EDA: variants seen among roughly 807,000 people sequenced by gnomAD.
EDA encodes ectodysplasin-A.
EDA carries 2 observed loss-of-function variants against 23.6 expected under a neutral mutation model. The ratio of observed to expected loss-of-function variants is 0.08; its 90% CI spans 0.03 to 0.27. The LOEUF is 0.27. EDA is among the 10% of genes least tolerant of loss of function. EDA has a pLI of 1.00. For missense variants in EDA, 229 were observed against 324.2 expected, an observed-to-expected ratio of 0.71 and a Z score of 2.26; for synonymous variants, 131 against 132.0, an observed-to-expected ratio of 0.99 and a Z score of 0.05.
At chrX:69,930,623 T>G (rs2018585368) in intron 1 of EDA, among the ~76,000 whole-genome samples, 1 of 111,462 alleles carries the variant, frequency 9.0e-6, no homozygotes, top group African/African-American at 3.3e-5. Flanking sequence ...GGAACAAGAT[T>G]AAGATGTCTG....
At chrX:69,720,825 A>G (rs1268647171) in intron 1 of EDA, among the ~76,000 whole-genome samples, 1 of 112,566 alleles carries the variant, frequency 8.9e-6, no homozygotes, top group Non-Finnish European at 1.9e-5. Flanking sequence ...ATGTTGTTAA[A>G]TAATTCTAAC....
At chrX:69,742,174 G>A (rs899454448) in intron 1 of EDA, among the ~76,000 whole-genome samples, 30 of 111,682 alleles carry the variant, frequency 2.7e-4, no homozygotes, top group Admixed American at 5.7e-4. Flanking sequence ...CCATGCCTTG[G>A]GTGGAACTTC....
At chrX:69,951,762 T>C (rs761797412) in intron 1 of EDA, among the ~76,000 whole-genome samples, 9 of 112,255 alleles carry the variant, frequency 8.0e-5, no homozygotes, top group Non-Finnish European at 1.3e-4. Context: ...TGTCTCACTA[T>C]GAACGAACTG....
intron 2 of EDA, among the ~76,000 whole-genome samples, chrX:69,970,048 G>A (rs1312634953): frequency 9.0e-6 from 1 of 111,722 alleles, no homozygotes; most frequent in Non-Finnish European, 1.9e-5. Context: ...TGAGGCTGCA[G>A]TGAGCTATGA....
At chrX:69,703,680 C>T (rs535705904) in intron 1 of EDA, among the ~76,000 whole-genome samples, 1 of 111,453 alleles carries the variant, frequency 9.0e-6, no homozygotes, top group African/African-American at 3.3e-5. Flanking sequence ...GGTCTTCAGG[C>T]GGTACGTGTC....
At chrX:69,650,824 G>A (rs1022321382) in intron 1 of EDA, among the ~76,000 whole-genome samples, 1 of 111,378 alleles carries the variant, frequency 9.0e-6, no homozygotes, top group African/African-American at 3.3e-5. Flanking sequence ...TTGCTGAGTA[G>A]GTAGCATTGT....
chrX:69,857,368 A>G (rs1054498267), intron 1 of EDA, among the ~76,000 whole-genome samples: 1 of 111,656 alleles, frequency 9.0e-6, no homozygotes, highest in Non-Finnish European at 1.9e-5. Context: ...TTGGTTCCAT[A>G]TGAATTTTAG....
intron 1 of EDA, among the ~76,000 whole-genome samples, chrX:69,753,702 G>T (rs1173072384): frequency 1.8e-5 from 2 of 111,185 alleles, no homozygotes; most frequent in African/African-American, 3.3e-5. Context: ...TTATTGTCTG[G>T]GTGTCTAAGT....
intron 1 of EDA, among the ~76,000 whole-genome samples, chrX:69,729,548 T>C (rs891005980): frequency 6.3e-5 from 7 of 111,887 alleles, no homozygotes; most frequent in Admixed American, 1.9e-4. Context: ...TCTCTCTGCT[T>C]TTACTCTTGC....
chrX:69,844,795 C>T lies in EDA; in HGVS notation c.397-112232C>T, dbSNP rs139355165. ...ATGGCATGAAATGAGTATGACGAAA[C>T]CTGCTGTAATGATGACCAATGAGTT... On this transcript the variant is annotated intron_variant, in intron 1 of 7. Transcript: ENST00000374552. Among the ~76,000 whole-genome samples the T allele has an allele frequency of 2.6e-4, 29 of 112,386 alleles. No homozygotes were observed. The East Asian group carries it at 7.8e-3, about 30-fold the overall frequency.
chrX:69,713,023 T>C (rs1202988501), intron 1 of EDA, among the ~76,000 whole-genome samples: 1 of 87,501 alleles, frequency 1.1e-5, no homozygotes, highest in Non-Finnish European at 2.1e-5. Context: ...TGAGAACACA[T>C]GGACACAGGA....
chrX:69,910,374 AGT>A (rs4007733), intron 1 of EDA, among the ~76,000 whole-genome samples: 1,228 of 41,492 alleles, frequency 0.03, 14 homozygotes, highest in Non-Finnish European at 0.035. Flanking sequence ...AGAGAGAGAG[AGT>A]GTGTGTGTGT....
chrX:69,968,088 A>G (rs1185091763), intron 2 of EDA, among the ~76,000 whole-genome samples: 2 of 111,829 alleles, frequency 1.8e-5, no homozygotes, highest in Non-Finnish European at 3.8e-5. Flanking sequence ...TGCATAAAAT[A>G]TGGGGTTTTT....
chrX:69,965,181 G>C (rs746194359), intron 2 of EDA, among the ~76,000 whole-genome samples: 7 of 111,883 alleles, frequency 6.3e-5, no homozygotes, highest in African/African-American at 2.3e-4. Flanking sequence ...GCTATAGTTA[G>C]CCAAATGAAG....
chrX:69,661,275 A>C (rs1328332774), intron 1 of EDA, among the ~76,000 whole-genome samples: 4 of 100,475 alleles, frequency 4.0e-5, no homozygotes, highest in African/African-American at 1.1e-4. Context: ...GATTGTAAAA[A>C]TTTTCTCCCA....
At chrX:69,812,859 G>A (rs1184265441) in intron 1 of EDA, among the ~76,000 whole-genome samples, 1 of 111,549 alleles carries the variant, frequency 9.0e-6, no homozygotes, top group African/African-American at 3.3e-5. Context: ...TGGTACTCTT[G>A]AAATGTATTT....
chrX:69,927,237 C>T (rs1487665392), intron 1 of EDA, among the ~76,000 whole-genome samples: 1 of 111,689 alleles, frequency 9.0e-6, no homozygotes, highest in Non-Finnish European at 1.9e-5. Flanking sequence ...GATGCAGTTT[C>T]TTCATAGTGT....
chrX:69,739,441 T>C (rs1005190777), intron 1 of EDA, among the ~76,000 whole-genome samples: 3 of 111,104 alleles, frequency 2.7e-5, no homozygotes, highest in Non-Finnish European at 5.7e-5. Context: ...AAAAGTCTGA[T>C]AATCTCTGAC....
At chrX:69,765,199 G>A (rs1335668176) in intron 1 of EDA, among the ~76,000 whole-genome samples, 1 of 111,977 alleles carries the variant, frequency 8.9e-6, no homozygotes, top group Non-Finnish European at 1.9e-5. Flanking sequence ...AAGAGAATTG[G>A]CTTACCTATT....
Sources: gnomAD v4.1 joint callset for allele counts (sites outside exome capture counted in the v4.1 genomes callset) on GRCh38, gnomAD v4.1.1 for gene constraint, MANE v1.5 for transcripts, NCBI Gene and HGNC (gene_info 2026-07-23, HGNC 2026-07-21) for gene names.